PPA2: variants seen among roughly 807,000 people sequenced by gnomAD.
The protein encoded by PPA2 is inorganic pyrophosphatase 2, mitochondrial.
A neutral mutation model predicts 49.5 loss-of-function variants in PPA2; 48 were observed. The observed-to-expected ratio is 0.97, with a 90% CI of 0.77 to 1.23. The LOEUF is 1.23. PPA2 is among the 50% of genes most tolerant of loss of function. The pLI is 0.00. For missense variants in PPA2, 429 were observed against 410.1 expected, an observed-to-expected ratio of 1.05 and a Z score of -0.40; for synonymous variants, 131 against 139.9, an observed-to-expected ratio of 0.94 and a Z score of 0.45.
chr4:105,379,370 T>C (rs527707223), intron 10 of PPA2, among the ~76,000 whole-genome samples: 6 of 152,044 alleles, frequency 3.9e-5, no homozygotes, highest in African/African-American at 1.4e-4. Flanking sequence ...TATATATCTA[T>C]ATATATAGAT....
chr4:105,407,913 T>C (rs1722558675), intron 7 of PPA2, among the ~76,000 whole-genome samples: 1 of 152,140 alleles, frequency 6.6e-6, no homozygotes, highest in South Asian at 2.1e-4. Context: ...ATTATGAATG[T>C]GATAGTTGCT....
At chr4:105,432,388 TA>T (rs1232498600) in intron 6 of PPA2, among the ~76,000 whole-genome samples, 1 of 152,222 alleles carries the variant, frequency 6.6e-6, no homozygotes, top group African/African-American at 2.4e-5. Context: ...GAACAAACTT[TA>T]TGCAGAAAAA....
At chr4:105,379,738 A>T (rs1181993846) in intron 10 of PPA2, among the ~76,000 whole-genome samples, 1 of 150,400 alleles carries the variant, frequency 6.6e-6, no homozygotes, top group East Asian at 1.9e-4. Context: ...GGTTCAAGCG[A>T]TTATCCTGCT....
chr4:105,462,533 T>C (rs1376465272), intron 1 of PPA2, among the ~76,000 whole-genome samples: 1 of 152,266 alleles, frequency 6.6e-6, no homozygotes, highest in Non-Finnish European at 1.5e-5. Flanking sequence ...ATAGCATATT[T>C]AGTAGTTTTT....
At chr4:105,413,942 A>G (rs1722879400) in intron 7 of PPA2, among the ~76,000 whole-genome samples, 1 of 152,238 alleles carries the variant, frequency 6.6e-6, no homozygotes, top group Non-Finnish European at 1.5e-5. Flanking sequence ...CATCTCTGCA[A>G]ATAGAATGTC....
intron 8 of PPA2, among the ~76,000 whole-genome samples, chr4:105,397,592 T>A (rs1353806405): frequency 1.3e-5 from 2 of 152,152 alleles, no homozygotes; most frequent in Admixed American, 1.3e-4. Flanking sequence ...AATCTCATGT[T>A]CAAATTTGAT....
chr4:105,466,486 C>T (rs1012688112), intron 1 of PPA2, among the ~76,000 whole-genome samples: 3 of 152,102 alleles, frequency 2.0e-5, no homozygotes, highest in African/African-American at 7.2e-5. Flanking sequence ...ATAATGGAAG[C>T]GTTACCAATG....
chr4:105,378,600 C>T (rs907736757), intron 10 of PPA2, among the ~76,000 whole-genome samples: 2 of 151,832 alleles, frequency 1.3e-5, no homozygotes. Context: ...TGATGAAGTC[C>T]TATTTATCAT....
chr4:105,421,555 C>T (rs1264267231), intron 7 of PPA2, among the ~76,000 whole-genome samples: 1 of 152,098 alleles, frequency 6.6e-6, no homozygotes, highest in Non-Finnish European at 1.5e-5. Flanking sequence ...GGATTAAACA[C>T]TGTTGACTAA....
At chr4:105,446,216 A>C (rs1343436055) in intron 5 of PPA2, 167 bp downstream of exon 5, 1 of 631,724 alleles carries the variant, frequency 1.6e-6, no homozygotes, top group East Asian at 3.2e-5. Context: ...GTTTAAAACA[A>C]AATTTATTGA....
At chr4:105,452,113 G>C (rs909919461) in intron 3 of PPA2, among the ~76,000 whole-genome samples, 8 of 152,132 alleles carry the variant, frequency 5.3e-5, no homozygotes, top group Admixed American at 5.2e-4. Context: ...TAAGATGTAT[G>C]AAAAAGCAGT....
At chr4:105,457,156 C>T (rs183292802) in intron 1 of PPA2, among the ~76,000 whole-genome samples, 13 of 152,242 alleles carry the variant, frequency 8.5e-5, no homozygotes, top group Admixed American at 3.9e-4. Context: ...TTTCTACCTA[C>T]TATCCATGGG....
chr4:105,430,839 C>T (rs969863987), intron 6 of PPA2, among the ~76,000 whole-genome samples: 1 of 152,198 alleles, frequency 6.6e-6, no homozygotes, highest in African/African-American at 2.4e-5. Flanking sequence ...GTGTGATGGG[C>T]ACTACAGTAT....
At chr4:105,428,045 C>T (rs1175143990) in intron 6 of PPA2, among the ~76,000 whole-genome samples, 1 of 152,148 alleles carries the variant, frequency 6.6e-6, no homozygotes, top group African/African-American at 2.4e-5. Context: ...TGCCAATATT[C>T]AACATTCTTA....
intron 7 of PPA2, among the ~76,000 whole-genome samples, chr4:105,419,337 G>A (rs1003611048): frequency 6.6e-6 from 1 of 152,020 alleles, no homozygotes; most frequent in Non-Finnish European, 1.5e-5. Context: ...GCCCCGGTGT[G>A]TGATGTTCCC....
intron 5 of PPA2, 53 bp downstream of exon 5, chr4:105,446,330 A>C: frequency 6.6e-7 from 1 of 1,515,478 alleles, no homozygotes; most frequent in Middle Eastern, 1.8e-4. Context: ...AGGATTTATA[A>C]GGCAATTTTT....
chr4:105,423,578 CCAAAGT>C (rs1723349231), intron 7 of PPA2, among the ~76,000 whole-genome samples: 1 of 152,098 alleles, frequency 6.6e-6, no homozygotes, highest in Non-Finnish European at 1.5e-5. Context: ...AATGATCTAC[CCAAAGT>C]CACTCAGCCA....
chr4:105,369,776 G>C (rs376482374), intron 11 of PPA2, 23 bp from the exon 12 acceptor site: 167 of 1,566,380 alleles, frequency 1.1e-4, no homozygotes, highest in Non-Finnish European at 1.4e-4. Flanking sequence ...TGGGGAAAGA[G>C]GGTATTAGGG....
At chr4:105,457,929 G>A (rs369412831) in intron 1 of PPA2, among the ~76,000 whole-genome samples, 5 of 152,198 alleles carry the variant, frequency 3.3e-5, no homozygotes, top group East Asian at 1.9e-4. Flanking sequence ...AGAAAGGCTT[G>A]ATTCTAATGC....
Sources: allele counts gnomAD v4.1 joint callset (sites outside exome capture counted in the v4.1 genomes callset), GRCh38; gene constraint gnomAD v4.1.1; transcripts MANE v1.5; gene names NCBI Gene and HGNC (gene_info 2026-07-23, HGNC 2026-07-21).